LVRN: variants seen among roughly 807,000 people sequenced by gnomAD.
The protein encoded by LVRN is aminopeptidase Q.
In LVRN, 99 loss-of-function variants were observed where a neutral mutation model predicts 111.4. The observed-to-expected ratio is 0.89, with a 90% CI of 0.76 to 1.05. LVRN has a LOEUF of 1.05. LVRN is among the 50% of genes least tolerant of loss of function. The pLI is 0.00. For synonymous variants in LVRN, 488 were observed against 449.5 expected (o/e 1.09, Z -1.08); for missense variants, 1,414 against 1,206.8 (o/e 1.17, Z -2.54).
At chr5:116,020,087 T>C (rs1281610071) in intron 18 of LVRN, 3 of 152,176 alleles carry the variant, frequency 2.0e-5, no homozygotes, top group African/African-American at 7.3e-5. Context: ...TTTGGAATAT[T>C]TGATTAAATA....
At chr5:115,989,963 A>C (rs1747948426) in intron 4 of LVRN, among the ~76,000 whole-genome samples, 1 of 152,212 alleles carries the variant, frequency 6.6e-6, no homozygotes, top group African/African-American at 2.4e-5. Flanking sequence ...CACATATGCC[A>C]TACTCTTACC....
intron 18 of LVRN, chr5:116,022,103 T>C (rs1457480466): frequency 7.3e-6 from 2 of 272,852 alleles, no homozygotes; most frequent in Non-Finnish European, 1.4e-5. Context: ...ATTTGAGACT[T>C]GTGACATGTA....
Position 115,962,951 on chromosome 5 carries a change from T to C in LVRN, c.334T>C (p.Trp112Arg), listed in dbSNP as rs920683331. 1 of 1,613,148 alleles carries C rather than the reference T, an allele frequency of 6.2e-7. No individual in the cohort carries two copies. The highest frequency in any genetic ancestry group is 1.3e-5 in the African/African-American group (1 of 75,044). The part of the protein sequence containing the change: ...LVPLHYDLEL[W>R]PQLRPDELPA... ...GCCGCTGCACTACGATCTGGAGCTG[T>C]GGCCGCAGCTGAGGCCCGACGAGCT... Residue 112 changes from tryptophan (W) to arginine (R), a missense_variant, in exon 1 of 20, where the codon TGG becomes CGG. Trp to Arg is a moderately radical substitution (Grantham distance 101). Coordinates refer to ENST00000357872, the MANE Select transcript of LVRN (RefSeq NM_173800.5).
chr5:116,013,976 A>G (rs1430433898), intron 15 of LVRN, among the ~76,000 whole-genome samples: 1 of 152,220 alleles, frequency 6.6e-6, no homozygotes, highest in Non-Finnish European at 1.5e-5. Context: ...TTGTAGAAGG[A>G]GAGAAATGAA....
chr5:116,003,875 C>T (rs529581570), intron 12 of LVRN, among the ~76,000 whole-genome samples: 2 of 152,136 alleles, frequency 1.3e-5, no homozygotes, highest in Admixed American at 6.5e-5. Context: ...GCCACCGCGC[C>T]GGCCAAATGT....
intron 18 of LVRN, among the ~76,000 whole-genome samples, chr5:116,017,641 G>A (rs571752684): frequency 5.3e-4 from 81 of 152,298 alleles, no homozygotes; most frequent in Non-Finnish European, 9.8e-4. Flanking sequence ...GATGAGGAGA[G>A]TGCTAAATAT....
In LVRN at chr5:115,963,266, A is replaced by G. The variant is rs1561550617; in HGVS notation, c.649A>G (p.Arg217Gly). The G allele has an allele frequency of 2.5e-6, 4 of 1,612,640 alleles. No individual in the cohort carries two copies. The South Asian group carries it at 3.3e-5, about 13-fold the overall frequency. ...SFSGLVKEDL[R>G]EGLFLNVYTD... Reference sequence around the variant, plus strand: ...CTCGGGCCTGGTGAAGGAAGACCTCAGGGAGGGACTCTTCCTCAACGTCTA... The same window carrying G: ...CTCGGGCCTGGTGAAGGAAGACCTCGGGGAGGGACTCTTCCTCAACGTCTA... The change falls in exon 1 of 20, where the codon AGG (arginine) becomes GGG (glycine). Residue 217 changes from arginine (R) to glycine (G), a missense_variant. By Grantham distance (125) the Arg-to-Gly change is moderately radical. Coordinates refer to ENST00000357872, the MANE Select transcript of LVRN (RefSeq NM_173800.5).
chr5:116,010,681 G>T, intron 13 of LVRN, 60 bp from the exon 14 acceptor site: 3 of 1,519,148 alleles, frequency 2.0e-6, no homozygotes, highest in Non-Finnish European at 2.7e-6. Flanking sequence ...AATATCGAAC[G>T]TATGCAAATT....
intron 1 of LVRN, among the ~76,000 whole-genome samples, chr5:115,978,111 T>C (rs946800928): frequency 1.3e-5 from 2 of 152,192 alleles, no homozygotes; most frequent in Non-Finnish European, 2.9e-5. Flanking sequence ...TTGCTGTTTA[T>C]GCTAGGAAAT....
At chr5:116,002,635 G>C (rs1561564426) in intron 10 of LVRN, among the ~76,000 whole-genome samples, 200 bp from the exon 11 acceptor site, 1 of 152,178 alleles carries the variant, frequency 6.6e-6, no homozygotes, top group African/African-American at 2.4e-5. Context: ...CAACAGGAGA[G>C]AGGAGTAAAC....
At chr5:115,989,585 C>T (rs558550304) in intron 4 of LVRN, among the ~76,000 whole-genome samples, 3 of 152,198 alleles carry the variant, frequency 2.0e-5, no homozygotes. Flanking sequence ...TTCTTTGTGC[C>T]TCTAGAACCT....
At chr5:116,009,444 T>C (rs1748442945) in intron 13 of LVRN, among the ~76,000 whole-genome samples, 1 of 152,196 alleles carries the variant, frequency 6.6e-6, no homozygotes, top group African/African-American at 2.4e-5. Flanking sequence ...ATTTAAGAAA[T>C]ACATTTTGTA....
At chr5:115,996,741 C>T (rs1293818018) in intron 6 of LVRN, among the ~76,000 whole-genome samples, 2 of 152,154 alleles carry the variant, frequency 1.3e-5, no homozygotes, top group East Asian at 3.9e-4. Flanking sequence ...GACTTTCCTC[C>T]ACCTTCCTGC....
At chr5:115,978,103 G>A (rs1208184532) in intron 1 of LVRN, among the ~76,000 whole-genome samples, 1 of 152,150 alleles carries the variant, frequency 6.6e-6, no homozygotes, top group East Asian at 1.9e-4. Flanking sequence ...TCTTGCAGTT[G>A]CTGTTTATGC....
intron 3 of LVRN, among the ~76,000 whole-genome samples, chr5:115,985,025 A>G (rs1747825221): frequency 6.6e-6 from 1 of 152,114 alleles, no homozygotes; most frequent in South Asian, 2.1e-4. Flanking sequence ...CTGCACTGGC[A>G]CCTTGATGTT....
intron 1 of LVRN, among the ~76,000 whole-genome samples, chr5:115,971,511 A>G (rs760509576): frequency 6.6e-5 from 10 of 152,086 alleles, no homozygotes; most frequent in East Asian, 1.9e-4. Flanking sequence ...TGAGGTATGG[A>G]TTAAAGAGTT....
Position 115,987,817 on chromosome 5 carries a change from G to C in LVRN, c.983G>C (p.Arg328Pro). ...VNRTERGKEIRIWARKDAIAN... is the reference protein window; with the variant it reads ...VNRTERGKEIPIWARKDAIAN... ...TGCTTAACTGTTTTGATTTAGATAC[G>C]CATCTGGGCCCGGAAAGATGCAATT... The change falls in exon 4 of 20, where the codon CGC becomes CCC. Residue 328 changes from arginine (R) to proline (P), a missense_variant. Physicochemically the swap from Arg to Pro is moderately radical, Grantham distance 103. Coordinates refer to ENST00000357872, the MANE Select transcript of LVRN (RefSeq NM_173800.5). 6.2e-7 allele frequency: 1 copy of C among 1,610,668 alleles called. No homozygotes were observed. Among genetic ancestry groups the C allele is most frequent in the Non-Finnish European group, 8.5e-7 (1 of 1,178,802 alleles).
At chr5:115,989,473 A>G (rs536342810) in intron 4 of LVRN, among the ~76,000 whole-genome samples, 27 of 152,170 alleles carry the variant, frequency 1.8e-4, no homozygotes, top group African/African-American at 6.3e-4. Flanking sequence ...CTTTTCTCAC[A>G]CTTCCACAGT....
intron 6 of LVRN, among the ~76,000 whole-genome samples, chr5:115,996,911 G>A (rs146006799): frequency 2.3e-3 from 343 of 152,278 alleles, no homozygotes; most frequent in Admixed American, 5.2e-3. Context: ...GGTTCTTGCA[G>A]TCATTCAACA....
Sources: gnomAD v4.1 joint callset for allele counts (sites outside exome capture counted in the v4.1 genomes callset) on GRCh38, gnomAD v4.1.1 for gene constraint, MANE v1.5 for transcripts, NCBI Gene and HGNC (gene_info 2026-07-23, HGNC 2026-07-21) for gene names.